The following RAD52 variants were observed in gnomAD, a reference collection of about 807,000 sequenced individuals.
RAD52 encodes RAD52 DNA repair protein, also known as DNA repair protein RAD52 homolog.
A neutral mutation model predicts 55.5 loss-of-function variants in RAD52; 47 were observed. The observed-to-expected ratio is 0.85, with a 90% CI of 0.67 to 1.08. The LOEUF (loss-of-function observed/expected upper bound fraction) is 1.08. RAD52 is among the 50% of genes least tolerant of loss of function. The pLI, the probability that RAD52 is intolerant of heterozygous loss-of-function variation, is 0.00. For synonymous variants in RAD52, 184 were observed against 198.9 expected (o/e 0.92, Z 0.63); for missense variants, 468 against 522.8 (o/e 0.90, Z 1.02).
intron 9 of RAD52, among the ~76,000 whole-genome samples, chr12:915,714 TTTTTTGTTTTG>T (rs149396064): frequency 0.15 from 19,932 of 136,394 alleles, 1,516 homozygotes; most frequent in East Asian, 0.37. Context: ...GGCTTGTTTT[TTTTTTGTTTTG>T]TTTTTGTTTT....
chr12:935,478 T>C (rs1394126961), intron 1 of RAD52, among the ~76,000 whole-genome samples: 1 of 151,102 alleles, frequency 6.6e-6, no homozygotes, highest in Non-Finnish European at 1.5e-5. Flanking sequence ...CCTCCTGGGT[T>C]CAAGCGAATC....
chr12:980,116 C>T (rs571375483), intron 1 of RAD52, among the ~76,000 whole-genome samples: 3 of 151,694 alleles, frequency 2.0e-5, no homozygotes, highest in South Asian at 2.1e-4. Flanking sequence ...CTTGAACCTG[C>T]GAGGCGGAGG....
intron 3 of RAD52, among the ~76,000 whole-genome samples, chr12:930,633 T>TAA (rs145300226): frequency 6.9e-6 from 1 of 144,828 alleles, no homozygotes; most frequent in Non-Finnish European, 1.5e-5. Flanking sequence ...AGTGTTTAAT[T>TAA]AAAAAAAAAA....
intron 1 of RAD52, among the ~76,000 whole-genome samples, chr12:962,319 G>A (rs1227702895): frequency 6.7e-6 from 1 of 149,018 alleles, no homozygotes; most frequent in Non-Finnish European, 1.5e-5. Context: ...GTTAGAGGTG[G>A]CCCCATCTGC....
At chr12:966,755 A>C (rs2154120994) in intron 1 of RAD52, among the ~76,000 whole-genome samples, 1 of 152,214 alleles carries the variant, frequency 6.6e-6, no homozygotes, top group East Asian at 1.9e-4. Context: ...CTAGGAGCTC[A>C]AATAATATTG....
rs368448982 is a variant in RAD52, at chr12:973,359, A to G, written c.-19+16450T>C. Among the ~76,000 whole-genome samples, 97 of 152,266 alleles carry G rather than the reference A, an allele frequency of 6.4e-4. 2 individuals are homozygous for G. In the South Asian group the frequency reaches 0.017, roughly 27 times the overall value. On this transcript the variant is annotated intron_variant, in intron 1 of 11. Coordinates refer to the RAD52 transcript ENST00000430095. ...GCTGGGATTACAGGTGTGAGCCACC[A>G]CACCTGGCCAGAAATTTTAAATAAT...
chr12:916,200 T>A, intron 9 of RAD52, 144 bp downstream of exon 9: 2 of 1,431,224 alleles, frequency 1.4e-6, no homozygotes, highest in Non-Finnish European at 1.8e-6. Flanking sequence ...CCTGGGCTCA[T>A]CTCTCCTGCG....
At chr12:955,432 C>G (rs138720272) in intron 1 of RAD52, among the ~76,000 whole-genome samples, 11 of 151,898 alleles carry the variant, frequency 7.2e-5, no homozygotes, top group Non-Finnish European at 1.6e-4. Flanking sequence ...ATCTTGCTAA[C>G]AGAACCCTGA....
rs1164663740 is a variant in RAD52 at position 913,224 on chromosome 12, C to G, written c.*167G>C. The G allele has an allele frequency of 3.0e-6, 2 of 659,524 alleles. No homozygotes were observed. The highest frequency in any genetic ancestry group is 5.3e-6 in the Non-Finnish European group (2 of 375,110). The allele number at this position is 659,524 out of a possible 1,614,324, so 40.9% of individuals were successfully genotyped here. ...ACAAGCTTTTCAAAAGTGCTCAGCT[C>G]TAACTGCAGTGGGCTCTCAGTCAGA... On this transcript the variant is annotated 3_prime_UTR_variant, in exon 12 of 12. Transcript: ENST00000358495.
intron 1 of RAD52, among the ~76,000 whole-genome samples, chr12:981,326 C>G (rs975972002): frequency 2.0e-5 from 3 of 151,134 alleles, no homozygotes; most frequent in Admixed American, 6.6e-5. Context: ...GAGTGCAACC[C>G]TATCTCAAAA....
chr12:930,688 T>G (rs11571415), intron 3 of RAD52, among the ~76,000 whole-genome samples: 2,322 of 151,206 alleles, frequency 0.015, 59 homozygotes, highest in African/African-American at 0.053. Context: ...GTGTAAAGGC[T>G]GGGCATGGTG....
chr12:944,866 G>A (rs1486314133), intron 1 of RAD52, among the ~76,000 whole-genome samples: 1 of 150,684 alleles, frequency 6.6e-6, no homozygotes, highest in Non-Finnish European at 1.5e-5. Flanking sequence ...TATATGTGGA[G>A]GGCTGAAGAA....
chr12:925,973 G>A (rs1197865084), intron 6 of RAD52, among the ~76,000 whole-genome samples: 4 of 152,136 alleles, frequency 2.6e-5, no homozygotes, highest in Admixed American at 2.0e-4. Flanking sequence ...CTCCCCCACA[G>A]AACTCATAGG....
intron 7 of RAD52, among the ~76,000 whole-genome samples, chr12:922,857 A>C (rs1201313935): frequency 1.3e-5 from 2 of 151,778 alleles, no homozygotes; most frequent in Admixed American, 1.3e-4. Flanking sequence ...TTGAGACAGA[A>C]TCTCACTCTG....
chr12:930,455 G>A lies in RAD52; in HGVS notation c.187-311C>T, dbSNP rs143592790. ...TCTTCTAGATGGAGCCCGCGAGAAC[G>A]AATGGTCTGTTGGGAGGAGGAACTC... On this transcript the variant is annotated intron_variant, in intron 3 of 11. Coordinates refer to ENST00000358495, the MANE Select transcript of RAD52 (RefSeq NM_134424.4). Among the ~76,000 whole-genome samples the A allele has an allele frequency of 3.7e-3, 568 of 152,090 alleles. 8 individuals carry two copies. Among genetic ancestry groups the A allele is most frequent in the African/African-American group, 0.013 (540 of 41,480 alleles).
At position 971,498 on chromosome 12, in the gene RAD52, G is replaced by A. The variant is rs1958851922; in HGVS notation, c.-19+18311C>T. Reference sequence around the variant, plus strand: ...TTCACCTTTGGTTACAGGCAGCCATGGTCAGATCACAGCCAAAAAGGTGAA... The same window carrying A: ...TTCACCTTTGGTTACAGGCAGCCATAGTCAGATCACAGCCAAAAAGGTGAA... On this transcript the variant is annotated intron_variant, in intron 1 of 11. Coordinates refer to the RAD52 transcript ENST00000430095. 1.3e-5 allele frequency among the ~76,000 whole-genome samples: 2 copies of A among 152,040 alleles called. 1 individual carries two copies. The highest frequency in any genetic ancestry group is 1.3e-4 in the Admixed American group (2 of 15,256).
intron 1 of RAD52, among the ~76,000 whole-genome samples, chr12:956,612 T>C (rs1414559084): frequency 6.6e-6 from 1 of 152,188 alleles, no homozygotes; most frequent in Non-Finnish European, 1.5e-5. Flanking sequence ...AGTGGTGTGA[T>C]ATTGGCTCAC....
chr12:920,630 A>C (rs573658691), intron 7 of RAD52, among the ~76,000 whole-genome samples: 182 of 152,332 alleles, frequency 1.2e-3, no homozygotes, highest in African/African-American at 4.3e-3. Context: ...ACCAAACACC[A>C]GAGGTCCTAA....
At chr12:928,150 G>C (rs1421258138) in intron 5 of RAD52, among the ~76,000 whole-genome samples, 1 of 152,198 alleles carries the variant, frequency 6.6e-6, no homozygotes, top group Non-Finnish European at 1.5e-5. Flanking sequence ...CTCACTCATA[G>C]ATACAAGATT....
Sources: gnomAD v4.1 joint callset for allele counts (sites outside exome capture counted in the v4.1 genomes callset) on GRCh38, gnomAD v4.1.1 for gene constraint, MANE v1.5 for transcripts, NCBI Gene and HGNC (gene_info 2026-07-23, HGNC 2026-07-21) for gene names.